Variants in CX3CR1 observed in about 807,000 individuals in gnomAD.
The protein encoded by CX3CR1 is C-X3-C motif chemokine receptor 1, also known as CX3C chemokine receptor 1.
For synonymous variants in CX3CR1, 168 were observed against 178.5 expected (o/e 0.94, Z 0.47); for missense variants, 363 against 432.4 (o/e 0.84, Z 1.42).
At chr3:39,272,140 G>A (rs956476105) in intron 1 of CX3CR1, among the ~76,000 whole-genome samples, 6 of 152,170 alleles carry the variant, frequency 3.9e-5, no homozygotes, top group Admixed American at 6.5e-5. Context: ...ATGCATTCTG[G>A]GATGTTGCAC....
chr3:39,287,990 G>C, the CX3CR1 span: 1 of 108,494 alleles, frequency 9.2e-6, no homozygotes, highest in African/African-American at 4.0e-5. Context: ...ATGATTTAAT[G>C]TGTGTGTGTG....
chr3:39,289,704 A>G, the CX3CR1 span, among the ~76,000 whole-genome samples: 1 of 152,164 alleles, frequency 6.6e-6, no homozygotes, highest in South Asian at 2.1e-4. Context: ...CAATATGACT[A>G]TATTTGGGGA....
chr3:39,290,782 A>T, the CX3CR1 span, among the ~76,000 whole-genome samples: 1 of 151,974 alleles, frequency 6.6e-6, no homozygotes, highest in African/African-American at 2.4e-5. Flanking sequence ...TTTGCCAGGC[A>T]TGGTGGTGGG....
In CX3CR1 at chr3:39,265,242, T is replaced by C; in HGVS notation, c.*200A>G. On this transcript the variant is annotated 3_prime_UTR_variant, in exon 2 of 2. Transcript: ENST00000399220. ...CATTTGCAGTAAGAGAAATGTCTAC[T>C]CTTTGTCATTCAAAGAGTTCAATTT... 1.8e-6 allele frequency: 1 copy of C among 556,762 alleles called. No homozygotes were observed. The highest frequency in any genetic ancestry group is 3.1e-6 in the Non-Finnish European group (1 of 322,916). 34.5% of individuals were successfully genotyped at this position (556,762 alleles called of 1,614,324 possible).
chr3:39,268,145 C>A (rs2040727826), intron 1 of CX3CR1, among the ~76,000 whole-genome samples: 1 of 152,210 alleles, frequency 6.6e-6, no homozygotes, highest in Admixed American at 6.5e-5. Flanking sequence ...TGTGTCACTT[C>A]TCGCTTCCCA....
chr3:39,275,920 A>AC (rs1368980413), intron 1 of CX3CR1, among the ~76,000 whole-genome samples: 3 of 69,912 alleles, frequency 4.3e-5, no homozygotes, highest in Admixed American at 1.5e-4. Context: ...AGAGGATATC[A>AC]CAAAAAAAAA....
chr3:39,274,371 G>C (rs907961927), intron 1 of CX3CR1, among the ~76,000 whole-genome samples: 8 of 150,310 alleles, frequency 5.3e-5, no homozygotes, highest in African/African-American at 2.0e-4. Context: ...TAAATTCAGT[G>C]ACTATCTATT....
chr3:39,288,591 C>G, the CX3CR1 span, among the ~76,000 whole-genome samples: 1 of 152,254 alleles, frequency 6.6e-6, no homozygotes. Flanking sequence ...ATGGCCCCAC[C>G]TGGTGGGCAG....
rs376411124 is a variant in CX3CR1, at chr3:39,265,934, A to T, written c.576T>A (p.Asn192Lys). 1 of 1,614,090 alleles carries T rather than the reference A, an allele frequency of 6.2e-7. No individual in the cohort carries two copies. Among genetic ancestry groups the T allele is most frequent in the Non-Finnish European group, 8.5e-7 (1 of 1,180,040 alleles). Residue 192 changes from asparagine (N) to lysine (K), a missense_variant, in exon 2 of 2, where the codon AAT becomes AAA. Transcript: ENST00000399220. ...VLQEIWPVLRNVETNFLGFLL... is the reference protein window; with the variant it reads ...VLQEIWPVLRKVETNFLGFLL... ...GGAAGCCAAGAAAATTTGTTTCCACATTGCGGAGCACGGGCCAGATTTCCT... is the reference window on the plus strand; with the variant it reads ...GGAAGCCAAGAAAATTTGTTTCCACTTTGCGGAGCACGGGCCAGATTTCCT...
At position 39,266,807 on chromosome 3, in the gene CX3CR1, G is replaced by T. The variant is rs141909558; in HGVS notation, c.-9-289C>A. Reference sequence around the variant, plus strand: ...CTAGGCATTTTTTTTTTTTTAAATGGAGTCTCGCTGTGTCACCCAGGCTGG... The same window carrying T: ...CTAGGCATTTTTTTTTTTTTAAATGTAGTCTCGCTGTGTCACCCAGGCTGG... On this transcript the variant is annotated intron_variant, in intron 1 of 1. Coordinates refer to ENST00000399220, the MANE Select transcript of CX3CR1 (RefSeq NM_001337.4). 5,293 of 554,558 alleles carry T rather than the reference G, an allele frequency of 9.5e-3. 59 individuals carry two copies. Among genetic ancestry groups the T allele is most frequent in the Non-Finnish European group, 0.013 (3,706 of 291,192 alleles). 34.4% of individuals were successfully genotyped at this position (554,558 alleles called of 1,614,324 possible). A position where few individuals can be genotyped will look rare whatever the true frequency, so the allele number is the denominator to read the frequency against.
In CX3CR1 at chr3:39,266,270, A is replaced by C; in HGVS notation, c.240T>G (p.Phe80Leu). Residue 80 changes from phenylalanine (F) to leucine (L), a missense_variant, in exon 2 of 2, where the codon TTT becomes TTG. By Grantham distance (22) the Phe-to-Leu change is conservative (BLOSUM62 0). Transcript: ENST00000399220. ...LLNLALSDLL[F>L]VATLPFWTHY... ...GAGTCCAGAAGGGCAAAGTGGCTAC[A>C]AACAGCAGATCAGACAAGGCCAGGT... 6.2e-7 allele frequency: 1 copy of C among 1,614,248 alleles called. No individual in the cohort carries two copies. Among genetic ancestry groups the C allele is most frequent in the Non-Finnish European group, 8.5e-7 (1 of 1,180,050 alleles).
chr3:39,288,504 C>T, the CX3CR1 span, among the ~76,000 whole-genome samples: 1 of 152,152 alleles, frequency 6.6e-6, no homozygotes, highest in South Asian at 2.1e-4. Context: ...AGCTCTGTCT[C>T]CCCCTCCTGG....
upstream of CX3CR1, among the ~76,000 whole-genome samples, chr3:39,283,055 C>A (rs1334001051): frequency 6.6e-6 from 1 of 152,166 alleles, no homozygotes; most frequent in African/African-American, 2.4e-5. Context: ...CCACACCCAG[C>A]TAATTTTTGT....
chr3:39,274,746 G>C (rs1263261021), intron 1 of CX3CR1, among the ~76,000 whole-genome samples: 3 of 151,940 alleles, frequency 2.0e-5, no homozygotes, highest in African/African-American at 7.3e-5. Context: ...TTGAGCATCT[G>C]TACCATATTC....
chr3:39,290,576 G>A, the CX3CR1 span, among the ~76,000 whole-genome samples: 1 of 152,320 alleles, frequency 6.6e-6, no homozygotes, highest in African/African-American at 2.4e-5. Flanking sequence ...TGGAAGCTGA[G>A]TCACAGAATA....
chr3:39,267,754 C>T (rs569677653), intron 1 of CX3CR1, among the ~76,000 whole-genome samples: 3 of 152,218 alleles, frequency 2.0e-5, no homozygotes, highest in Non-Finnish European at 4.4e-5. Context: ...CGATTACCAG[C>T]CCTATAGTTC....
chr3:39,292,664 A>G, the CX3CR1 span, among the ~76,000 whole-genome samples: 2 of 152,214 alleles, frequency 1.3e-5, no homozygotes, highest in African/African-American at 4.8e-5. Context: ...TCCTCCAGCA[A>G]TGCTAGTAAT....
Position 39,266,108 on chromosome 3 carries a change from G to A in CX3CR1, c.402C>T (p.Ala134=), listed in dbSNP as rs375220511. ...SIDRYLAIVL[A]ANSMNNRTVQ... is the part of the protein sequence containing the mutation. ...CGGTCCGGTTGTTCATGGAGTTGGC[G>A]GCCAGGACGATGGCCAGGTACCTAT... Residue 134 remains alanine (A), a synonymous_variant, in exon 2 of 2, where the codon GCC becomes GCT. Coordinates refer to ENST00000399220, the MANE Select transcript of CX3CR1 (RefSeq NM_001337.4). 5.6e-6 allele frequency: 9 copies of A among 1,614,080 alleles called. No homozygotes were observed. Among genetic ancestry groups the A allele is most frequent in the African/African-American group, 1.3e-5 (1 of 74,926 alleles).
At chr3:39,288,081 C>T in the CX3CR1 span, among the ~76,000 whole-genome samples, 2 of 152,078 alleles carry the variant, frequency 1.3e-5, no homozygotes, top group Non-Finnish European at 2.9e-5. Flanking sequence ...GGGAACCTAG[C>T]TTGGGTTGAA....
Sources: gnomAD v4.1 joint callset for allele counts (sites outside exome capture counted in the v4.1 genomes callset) on GRCh38, gnomAD v4.1.1 for gene constraint, MANE v1.5 for transcripts, NCBI Gene and HGNC (gene_info 2026-07-23, HGNC 2026-07-21) for gene names.